Variants in KANSL1 observed in about 807,000 individuals in gnomAD.
KANSL1 encodes MLL1/MLL complex subunit KANSL1.
Under a neutral mutation model 103.6 loss-of-function variants are expected in KANSL1, and 22 were observed. The ratio of observed to expected loss-of-function variants is 0.21; its 90% CI spans 0.15 to 0.30. The LOEUF is 0.30. Among genes scored for constraint, KANSL1 ranks in the 10% least tolerant of loss-of-function variants. KANSL1 has a pLI of 1.00. For synonymous variants in KANSL1, 600 were observed against 527.6 expected (o/e 1.14, Z -1.88); for missense variants, 1,337 against 1,399.8 (o/e 0.96, Z 0.72).
At chr17:46,211,645 A>C (rs925930917) in intron 1 of KANSL1, among the ~76,000 whole-genome samples, 2 of 152,296 alleles carry the variant, frequency 1.3e-5, no homozygotes, top group African/African-American at 4.8e-5. Flanking sequence ...AGGAGGTTTC[A>C]CTGGAGATTA....
At chr17:46,082,308 CA>C (rs2079015144) in intron 4 of KANSL1, 132 bp downstream of exon 4, 1 of 575,368 alleles carries the variant, frequency 1.7e-6, no homozygotes, top group African/African-American at 1.9e-5. Context: ...CTTAAAACAC[CA>C]AAAGTGATAA....
At chr17:46,192,783 G>A in intron 1 of KANSL1, 40 bp downstream of exon 1, 2 of 158,688 alleles carry the variant, frequency 1.3e-5, no homozygotes, top group Non-Finnish European at 2.7e-5. Flanking sequence ...AGGAGAAAGG[G>A]CAGCAGGAGG....
In KANSL1 at chr17:46,047,601, T is replaced by G. The variant is rs111806951; in HGVS notation, c.2020+2932A>C. Reference sequence around the variant, plus strand: ...CAGTTCAAAACCAGCCTGGGCAATATAGCAAGACCCCATCTTTGTAGGGGG... The same window carrying G: ...CAGTTCAAAACCAGCCTGGGCAATAGAGCAAGACCCCATCTTTGTAGGGGG... On this transcript the variant is annotated intron_variant, in intron 7 of 14. Coordinates refer to ENST00000432791, the MANE Select transcript of KANSL1 (RefSeq NM_015443.4). Among the ~76,000 whole-genome samples the G allele has an allele frequency of 3.0e-3, 454 of 151,950 alleles. 1 individual carries two copies. The highest frequency in any genetic ancestry group is 6.0e-3 in the Non-Finnish European group (405 of 67,960).
intron 2 of KANSL1, among the ~76,000 whole-genome samples, chr17:46,102,170 C>T (rs1477001416): frequency 6.6e-6 from 1 of 152,228 alleles, no homozygotes; most frequent in East Asian, 1.9e-4. Flanking sequence ...TTCGTCTTAA[C>T]CCATTCTCAT....
intron 2 of KANSL1, among the ~76,000 whole-genome samples, chr17:46,151,346 TTGAA>T (rs1274659971): frequency 6.6e-5 from 10 of 152,194 alleles, no homozygotes; most frequent in Non-Finnish European, 1.0e-4. Flanking sequence ...TCTCTACACC[TTGAA>T]TGCTCTTCCT....
rs2046292835 is a variant in KANSL1 at position 46,171,564 on chromosome 17, C to T, written c.580G>A (p.Gly194Arg). Residue 194 changes from glycine (G) to arginine (R), a missense_variant, in exon 2 of 15, where the codon GGA becomes AGA. Coordinates refer to ENST00000432791, the MANE Select transcript of KANSL1 (RefSeq NM_015443.4). The stretch of plus-strand genomic sequence containing the variant: ...TTCAAGTCCCCAGATTCAGATCCTC[C>T]CATTTCACCCCCATGAAGAGCAGAT... ...TSSALHGGEM[G>R]GSESGDLKGG... 1 of 1,608,074 alleles carries T rather than the reference C, an allele frequency of 6.2e-7. No individual in the cohort carries two copies. The highest frequency in any genetic ancestry group is 2.2e-5 in the East Asian group (1 of 44,846).
intron 2 of KANSL1, among the ~76,000 whole-genome samples, chr17:46,137,580 T>A (rs1014839476): frequency 6.6e-6 from 1 of 152,174 alleles, no homozygotes. Flanking sequence ...ATCTTTCTGT[T>A]TTGAAAACTG....
chr17:46,201,472 A>G (rs2047802628), intron 1 of KANSL1, among the ~76,000 whole-genome samples: 2 of 152,254 alleles, frequency 1.3e-5, no homozygotes, highest in Non-Finnish European at 2.9e-5. Flanking sequence ...TTGAGTGCCA[A>G]CATGACACCT....
intron 2 of KANSL1, among the ~76,000 whole-genome samples, chr17:46,148,837 C>T (rs1272345786): frequency 1.3e-5 from 2 of 150,936 alleles, no homozygotes; most frequent in South Asian, 2.1e-4. Context: ...CTGCCCACCT[C>T]GGTTTCCCAA....
intron 2 of KANSL1, among the ~76,000 whole-genome samples, chr17:46,140,387 T>A (rs1005187646): frequency 2.0e-5 from 3 of 152,146 alleles, no homozygotes; most frequent in African/African-American, 7.2e-5. Flanking sequence ...CCTCACACCA[T>A]ACAGAAAACT....
chr17:46,145,501 T>C (rs1303989520), intron 2 of KANSL1, among the ~76,000 whole-genome samples: 1 of 152,256 alleles, frequency 6.6e-6, no homozygotes, highest in African/African-American at 2.4e-5. Flanking sequence ...CTGAAAACAC[T>C]GTTGTGCTAA....
At chr17:46,220,817 G>A (rs558620591) in intron 1 of KANSL1, among the ~76,000 whole-genome samples, 1 of 152,318 alleles carries the variant, frequency 6.6e-6, no homozygotes, top group African/African-American at 2.4e-5. Flanking sequence ...CTCCCAAGTA[G>A]CTGGGATTAC....
chr17:46,113,167 T>C (rs1159430207), intron 2 of KANSL1, among the ~76,000 whole-genome samples: 2 of 152,216 alleles, frequency 1.3e-5, no homozygotes, highest in Non-Finnish European at 2.9e-5. Context: ...CCGCTAACCA[T>C]ACTACAACAC....
At chr17:46,108,864 A>G (rs1320543481) in intron 2 of KANSL1, among the ~76,000 whole-genome samples, 1 of 152,240 alleles carries the variant, frequency 6.6e-6, no homozygotes, top group Non-Finnish European at 1.5e-5. Flanking sequence ...TCAAGCAATT[A>G]TAGTCCACAC....
chr17:46,204,857 T>A (rs1280559291), intron 1 of KANSL1, among the ~76,000 whole-genome samples: 1 of 152,214 alleles, frequency 6.6e-6, no homozygotes, highest in East Asian at 1.9e-4. Context: ...ATCATTTGAA[T>A]AGATGCAGAA....
At chr17:46,175,050 G>T (rs2532264) in intron 1 of KANSL1, among the ~76,000 whole-genome samples, 1 of 151,948 alleles carries the variant, frequency 6.6e-6, no homozygotes, top group Non-Finnish European at 1.5e-5. Flanking sequence ...TTAAAAAAGG[G>T]TCCTGAGACC....
At chr17:46,127,280 T>C (rs914961618) in intron 2 of KANSL1, among the ~76,000 whole-genome samples, 1 of 152,076 alleles carries the variant, frequency 6.6e-6, no homozygotes, top group African/African-American at 2.4e-5. Flanking sequence ...ATAATGGGGG[T>C]ATTAAATTTC....
chr17:46,192,050 GCCATCATGTCACC>G (rs2047358478), intron 1 of KANSL1, among the ~76,000 whole-genome samples: 1 of 152,150 alleles, frequency 6.6e-6, no homozygotes, highest in Non-Finnish European at 1.5e-5. Flanking sequence ...TTAAAGTGGC[GCCATCATGTCACC>G]CCTTCTCCCC....
intron 2 of KANSL1, among the ~76,000 whole-genome samples, chr17:46,161,886 T>G (rs2045762228): frequency 6.6e-6 from 1 of 152,236 alleles, no homozygotes; most frequent in Non-Finnish European, 1.5e-5. Context: ...CATTCACAAT[T>G]TAATAGCAAA....
Sources: gnomAD v4.1 joint callset for allele counts (sites outside exome capture counted in the v4.1 genomes callset) on GRCh38, gnomAD v4.1.1 for gene constraint, MANE v1.5 for transcripts, NCBI Gene and HGNC (gene_info 2026-07-23, HGNC 2026-07-21) for gene names.